TLE4: variants seen among roughly 807,000 people sequenced by gnomAD.
TLE4 encodes the protein TLE family member 4, transcriptional corepressor, also known as transducin-like enhancer protein 4.
TLE4 carries 8 observed loss-of-function variants against 92.8 expected under a neutral mutation model. That is an observed-to-expected ratio of 0.09 (90% CI 0.05 to 0.16). The LOEUF (loss-of-function observed/expected upper bound fraction) is 0.16, where lower values mean the gene tolerates loss of function less well. Ranked by LOEUF, TLE4 falls within the 10% of genes least tolerant of loss-of-function variation. The pLI, the probability that TLE4 is intolerant of heterozygous loss-of-function variation, is 1.00. For missense variants in TLE4, 675 were observed against 997.6 expected (o/e 0.68, Z 4.36); for synonymous variants, 371 against 374.1 (o/e 0.99, Z 0.10).
At chr9:79,642,467 A>G (rs1166768506) in intron 6 of TLE4, among the ~76,000 whole-genome samples, 1 of 151,882 alleles carries the variant, frequency 6.6e-6, no homozygotes, top group Non-Finnish European at 1.5e-5. Flanking sequence ...AACTAAAGAA[A>G]GCTTTTCTGA....
At chr9:79,610,075 T>G (rs977054853) in intron 4 of TLE4, among the ~76,000 whole-genome samples, 1 of 152,110 alleles carries the variant, frequency 6.6e-6, no homozygotes, top group Non-Finnish European at 1.5e-5. Flanking sequence ...TGAAAAATAC[T>G]TCTTTGATGA....
At chr9:79,630,675 T>G (rs1231758283) in intron 6 of TLE4, among the ~76,000 whole-genome samples, 1 of 152,210 alleles carries the variant, frequency 6.6e-6, no homozygotes, top group Non-Finnish European at 1.5e-5. Flanking sequence ...TTTAAATCAG[T>G]AATATGATCT....
intron 4 of TLE4, among the ~76,000 whole-genome samples, chr9:79,589,494 C>T (rs62569284): frequency 0.012 from 1,787 of 152,090 alleles, 10 homozygotes; most frequent in Non-Finnish European, 0.019. Flanking sequence ...TGGAAATCAG[C>T]TTGATTTCCA....
intron 6 of TLE4, among the ~76,000 whole-genome samples, chr9:79,638,130 T>A (rs1213016517): frequency 2.6e-5 from 4 of 152,102 alleles, no homozygotes; most frequent in Admixed American, 6.5e-5. Flanking sequence ...TTGTTGGTAC[T>A]CTAGTTGCAG....
chr9:79,725,699 T>G lies in TLE4; in HGVS notation c.*555T>G, dbSNP rs898202536. 1 of 152,850 alleles carries G rather than the reference T, an allele frequency of 6.5e-6. No homozygotes were observed. The highest frequency in any genetic ancestry group is 1.5e-5 in the Non-Finnish European group (1 of 68,200). The allele number at this position is 152,850 out of a possible 1,614,324, so 9.5% of individuals were successfully genotyped here. A position where few individuals can be genotyped will look rare whatever the true frequency, so the allele number is the denominator to read the frequency against. On this transcript the variant is annotated 3_prime_UTR_variant, in exon 20 of 20. Coordinates refer to ENST00000376552, the MANE Select transcript of TLE4 (RefSeq NM_007005.6). Reference sequence around the variant, plus strand: ...TTTTTGTTTTTGTTTTCTACATCTTTTAAAGACTTTTGGAAATTTGGCTGA... The same window carrying G: ...TTTTTGTTTTTGTTTTCTACATCTTGTAAAGACTTTTGGAAATTTGGCTGA...
At chr9:79,645,132 C>T (rs1406975955) in intron 6 of TLE4, among the ~76,000 whole-genome samples, 3 of 152,140 alleles carry the variant, frequency 2.0e-5, no homozygotes, top group Admixed American at 6.5e-5. Context: ...GTGGGGATCC[C>T]TTCAATTTGG....
chr9:79,725,353 G>C lies in TLE4; in HGVS notation c.*209G>C. The C allele has an allele frequency of 2.3e-6, 1 of 441,992 alleles. No homozygotes were observed. The highest frequency in any genetic ancestry group is 2.7e-5 in the South Asian group (1 of 36,512). The allele number at this position is 441,992 out of a possible 1,614,324, so 27.4% of individuals were successfully genotyped here. On this transcript the variant is annotated 3_prime_UTR_variant, in exon 20 of 20. Transcript: ENST00000376552. ...AACCTGTGATACCAAATCTTCAGCT[G>C]TCTACTTGGAAGAACATGGAATAAG...
At chr9:79,582,194 G>A (rs1006776542) in intron 4 of TLE4, among the ~76,000 whole-genome samples, 2 of 152,150 alleles carry the variant, frequency 1.3e-5, no homozygotes, top group African/African-American at 4.8e-5. Flanking sequence ...GAGGTTCGTC[G>A]ATGCAGGAAA....
chr9:79,592,198 TTCTTCTTCTTCTTCTTCC>T (rs1200188771), intron 4 of TLE4, among the ~76,000 whole-genome samples: 2 of 138,774 alleles, frequency 1.4e-5, no homozygotes, highest in Non-Finnish European at 3.1e-5. Context: ...CTTCTTCTTC[TTCTTCTTCTTCTTCTTCC>T]TCTTCTTCTT....
At position 79,655,398 on chromosome 9, in the gene TLE4, T is replaced by G. The variant is rs575145657; in HGVS notation, c.609+1323T>G. Reference sequence around the variant, plus strand: ...AAATTTTCTCCCAGAACCACTGTGCTAGCACTTTGAATGCCTTTTTACTCC... The same window carrying G: ...AAATTTTCTCCCAGAACCACTGTGCGAGCACTTTGAATGCCTTTTTACTCC... On this transcript the variant is annotated intron_variant, in intron 8 of 19. Transcript: ENST00000376552. Among the ~76,000 whole-genome samples the G allele has an allele frequency of 5.3e-5, 8 of 152,336 alleles. No homozygotes were observed. In the South Asian group the frequency reaches 1.7e-3, roughly 32 times the overall value.
chr9:79,707,288 C>T (rs1313956636), intron 11 of TLE4: 22 of 1,269,860 alleles, frequency 1.7e-5, no homozygotes, highest in South Asian at 8.7e-5. Context: ...CTACATATGA[C>T]GGCAATAATT....
At chr9:79,623,417 A>AT (rs747821768) in intron 5 of TLE4, among the ~76,000 whole-genome samples, 86 of 152,066 alleles carry the variant, frequency 5.7e-4, no homozygotes, top group Non-Finnish European at 1.0e-3. Context: ...AGCTGGTATT[A>AT]TTTTAGTTTC....
intron 5 of TLE4, among the ~76,000 whole-genome samples, chr9:79,625,408 C>T (rs569952216): frequency 6.6e-6 from 1 of 152,208 alleles, no homozygotes; most frequent in South Asian, 2.1e-4. Context: ...ATATGCAGCC[C>T]TTCATGATAG....
At position 79,630,628 on chromosome 9, in the gene TLE4, C is replaced by T. The variant is rs562290269; in HGVS notation, c.390+3180C>T. Reference sequence around the variant, plus strand: ...CTGTGTTTTTAAATTAGAATCTCTGCGAGATCACACTGTTGGAACAACACA... The same window carrying T: ...CTGTGTTTTTAAATTAGAATCTCTGTGAGATCACACTGTTGGAACAACACA... On this transcript the variant is annotated intron_variant, in intron 6 of 19. Coordinates refer to ENST00000376552, the MANE Select transcript of TLE4 (RefSeq NM_007005.6). Among the ~76,000 whole-genome samples the T allele has an allele frequency of 1.4e-4, 22 of 151,946 alleles. No homozygotes were observed. In the South Asian group the frequency reaches 1.5e-3, roughly 10 times the overall value.
intron 6 of TLE4, among the ~76,000 whole-genome samples, chr9:79,643,875 C>G (rs2057628675): frequency 1.3e-5 from 2 of 152,096 alleles, no homozygotes; most frequent in South Asian, 2.1e-4. Flanking sequence ...TCTTTCCTTT[C>G]AAATTAATAT....
chr9:79,684,250 G>T (rs1401907240), intron 8 of TLE4, among the ~76,000 whole-genome samples: 2 of 152,126 alleles, frequency 1.3e-5, no homozygotes, highest in Non-Finnish European at 2.9e-5. Context: ...GGCTGGGCTT[G>T]AATTTGCTTA....
In TLE4 at chr9:79,668,666, T is replaced by C. The variant is rs75381065; in HGVS notation, c.609+14591T>C. Among the ~76,000 whole-genome samples the C allele has an allele frequency of 9.2e-3, 1,399 of 152,176 alleles. 21 individuals are homozygous for C. Among genetic ancestry groups the C allele is most frequent in the African/African-American group, 0.032 (1,322 of 41,526 alleles). ...AACAAAATTTTAATAATAGAAGTAT[T>C]TTGGACTGGGGAGATGACAGGCATG... On this transcript the variant is annotated intron_variant, in intron 8 of 19. Transcript: ENST00000376552.
intron 8 of TLE4, among the ~76,000 whole-genome samples, chr9:79,654,318 G>C (rs1240454159): frequency 1.4e-5 from 2 of 147,668 alleles, no homozygotes; most frequent in Non-Finnish European, 3.0e-5. Context: ...GGCTTGCATT[G>C]CTCATTTTAT....
At chr9:79,708,513 T>C in intron 12 of TLE4, 80 bp from the exon 13 acceptor site, 1 of 1,346,368 alleles carries the variant, frequency 7.4e-7, no homozygotes. Flanking sequence ...CCATAGATTC[T>C]ATTTTGTGAC....
Sources: gnomAD v4.1 joint callset for allele counts (sites outside exome capture counted in the v4.1 genomes callset) on GRCh38, gnomAD v4.1.1 for gene constraint, MANE v1.5 for transcripts, NCBI Gene and HGNC (gene_info 2026-07-23, HGNC 2026-07-21) for gene names.